MUC15: variants seen among roughly 807,000 people sequenced by gnomAD.
MUC15 encodes mucin 15, cell surface associated.
In MUC15, 23 loss-of-function variants were observed where a neutral mutation model predicts 24.0. That is an observed-to-expected ratio of 0.96 (90% confidence interval 0.69 to 1.36). The LOEUF is 1.36. Ranked by LOEUF, MUC15 falls within the 40% of genes most tolerant of loss-of-function variation. The probability of loss-of-function intolerance (pLI) is 0.00; values close to 1 mark genes in which losing one functional copy is unlikely to be tolerated. For missense variants in MUC15, 442 were observed against 428.2 expected (o/e 1.03, Z -0.29); for synonymous variants, 151 against 156.3 (o/e 0.97, Z 0.25).
chr11:26,559,802 T>G lies in MUC15; in HGVS notation c.*1263A>C, dbSNP rs1006461065. The G allele has an allele frequency of 1.8e-5, 27 of 1,529,904 alleles. No individual in the cohort carries two copies. The highest frequency in any genetic ancestry group is 2.4e-5 in the Non-Finnish European group (27 of 1,105,314). 94.8% of individuals were successfully genotyped at this position (1,529,904 alleles called of 1,614,324 possible). The stretch of plus-strand genomic sequence containing the variant: ...GGGGTAAGTACTTTCTTCATTACTT[T>G]CTATCCCTTATTTTCTGAAGCTGTT... On this transcript the variant is annotated 3_prime_UTR_variant, in exon 5 of 5. Coordinates refer to ENST00000529533, the MANE Select transcript of MUC15 (RefSeq NM_001135091.2).
chr11:26,564,690 T>TACACACACAC (rs1565108459), intron 3 of MUC15, among the ~76,000 whole-genome samples: 1 of 18,648 alleles, frequency 5.4e-5, no homozygotes, highest in Non-Finnish European at 1.2e-4. Context: ...TACTCATATA[T>TACACACACAC]ATACACACAC....
chr11:26,559,448 GA>G lies in MUC15; in HGVS notation c.*1616del, dbSNP rs2134243620. 1 of 310,464 alleles carries G rather than the reference GA, an allele frequency of 3.2e-6. No homozygotes were observed. Among genetic ancestry groups the G allele is most frequent in the East Asian group, 5.4e-5 (1 of 18,680 alleles). 19.2% of individuals were successfully genotyped at this position (310,464 alleles called of 1,614,324 possible). A position where few individuals can be genotyped will look rare whatever the true frequency, so the allele number is the denominator to read the frequency against. ...CCACAAATACTTCCATAGAATGGTA[GA>G]ATTATTTATAATCAGAAATGATGGT... On this transcript the variant is annotated 3_prime_UTR_variant, in exon 5 of 5. Transcript: ENST00000529533.
At position 26,559,438 on chromosome 11, in the gene MUC15, T is replaced by C. The variant is rs2134243586; in HGVS notation, c.*1627A>G. The C allele has an allele frequency of 7.1e-6, 2 of 280,088 alleles. No individual in the cohort carries two copies. Among genetic ancestry groups the C allele is most frequent in the South Asian group, 1.1e-4 (1 of 9,094 alleles). 17.4% of individuals were successfully genotyped at this position (280,088 alleles called of 1,614,324 possible). On this transcript the variant is annotated 3_prime_UTR_variant, in exon 5 of 5. Coordinates refer to ENST00000529533, the MANE Select transcript of MUC15 (RefSeq NM_001135091.2). ...AATCTGTGACCCACAAATACTTCCA[T>C]AGAATGGTAGAATTATTTATAATCA... is the stretch of plus-strand genomic sequence containing the variant.
intron 3 of MUC15, among the ~76,000 whole-genome samples, chr11:26,564,451 G>A (rs1167039379): frequency 6.7e-6 from 1 of 149,740 alleles, no homozygotes; most frequent in Non-Finnish European, 1.5e-5. Flanking sequence ...TTCAAGGGGG[G>A]AAAATACATT....
chr11:26,568,632 A>C (rs1850694464), intron 1 of MUC15, among the ~76,000 whole-genome samples: 1 of 152,072 alleles, frequency 6.6e-6, no homozygotes, highest in African/African-American at 2.4e-5. Flanking sequence ...AAATCACGAT[A>C]ACTGTCTATT....
At chr11:26,563,603 G>A (rs1444468455) in intron 3 of MUC15, among the ~76,000 whole-genome samples, 1 of 151,776 alleles carries the variant, frequency 6.6e-6, no homozygotes, top group Non-Finnish European at 1.5e-5. Flanking sequence ...ACTCCATTAA[G>A]ATCTAATATC....
chr11:26,561,168 T>G lies in MUC15; in HGVS notation c.983A>C (p.Tyr328Ser). 1 of 1,612,684 alleles carries G rather than the reference T, an allele frequency of 6.2e-7. No homozygotes were observed. Among genetic ancestry groups the G allele is most frequent in the Non-Finnish European group, 8.5e-7 (1 of 1,179,194 alleles). ...TGAATCATTCAAAGTTGGATTGTAG[T>G]AGCTAGAATTCCCAAAACTCACATC... ...PYDVSFGNSS[Y>S]YNPTLNDSAM... The change falls in exon 5 of 5, where the codon TAC (tyrosine) becomes TCC (serine). Residue 328 changes from tyrosine (Y) to serine (S), a missense_variant. Coordinates refer to ENST00000529533, the MANE Select transcript of MUC15 (RefSeq NM_001135091.2).
intron 1 of MUC15, among the ~76,000 whole-genome samples, chr11:26,569,460 G>T (rs1157004647): frequency 6.6e-6 from 1 of 152,064 alleles, no homozygotes; most frequent in Admixed American, 6.6e-5. Flanking sequence ...GGAGAGCCAG[G>T]TTACGCCACT....
intron 4 of MUC15, among the ~76,000 whole-genome samples, chr11:26,562,129 T>C (rs2134251922): frequency 6.6e-6 from 1 of 152,032 alleles, no homozygotes; most frequent in South Asian, 2.1e-4. Context: ...TACATGAGAT[T>C]ACATGTAAAG....
At chr11:26,566,784 T>C (rs1159921743) in intron 2 of MUC15, among the ~76,000 whole-genome samples, 5 of 138,580 alleles carry the variant, frequency 3.6e-5, no homozygotes, top group Non-Finnish European at 1.6e-5. Context: ...TGAAATCAGA[T>C]TTATATTAAA....
chr11:26,571,379 T>C (rs900334409), intron 1 of MUC15, among the ~76,000 whole-genome samples: 6 of 152,282 alleles, frequency 3.9e-5, no homozygotes, highest in Non-Finnish European at 7.4e-5. Context: ...TAAGAAATTT[T>C]ACCACATTTT....
intron 1 of MUC15, 39 bp from the exon 2 acceptor site, chr11:26,567,178 C>A: frequency 1.6e-6 from 2 of 1,274,158 alleles, no homozygotes; most frequent in Admixed American, 3.2e-5. Context: ...GCCAAGTCAA[C>A]TGACTCCAAT....
chr11:26,570,849 G>C (rs1480542707), intron 1 of MUC15, among the ~76,000 whole-genome samples: 1 of 152,052 alleles, frequency 6.6e-6, no homozygotes, highest in African/African-American at 2.4e-5. Flanking sequence ...AACAATAAAT[G>C]AGGACATAAG....
At chr11:26,571,094 A>G (rs1565115274) in intron 1 of MUC15, among the ~76,000 whole-genome samples, 1 of 152,162 alleles carries the variant, frequency 6.6e-6, no homozygotes, top group Non-Finnish European at 1.5e-5. Context: ...AAAAATGTAG[A>G]GTTTGTCATA....
Position 26,563,387 on chromosome 11 carries a change from TTC to T in MUC15, c.776-124_776-123del, listed in dbSNP as rs768122711. 2,178 of 889,006 alleles carry T rather than the reference TTC, an allele frequency of 2.4e-3. 25 individuals carry two copies. Among genetic ancestry groups the T allele is most frequent in the East Asian group, 0.022 (758 of 34,652 alleles). The allele number at this position is 889,006 out of a possible 1,614,324, so 55.1% of individuals were successfully genotyped here. Reference sequence around the variant, plus strand: ...ATTTTAAAATTAGATAATGGTGTGTTTCTCTCTCTGTGTGTGTGTGTGTGTGT... The same window carrying T: ...ATTTTAAAATTAGATAATGGTGTGTTTCTCTCTGTGTGTGTGTGTGTGTGT... On this transcript the variant is annotated intron_variant, in intron 3 of 4. Coordinates refer to ENST00000529533, the MANE Select transcript of MUC15 (RefSeq NM_001135091.2).
rs772094328 is a variant in MUC15, at chr11:26,563,143, G to A, written c.898C>T (p.Arg300Ter). The A allele has an allele frequency of 5.6e-6, 9 of 1,611,784 alleles. No homozygotes were observed. Among genetic ancestry groups the A allele is most frequent in the South Asian group, 4.4e-5 (4 of 90,966 alleles). ...GGTTCATTTCTGTCGTCATAAAGTC[G>A]CCGATGGGAAAATGAATCCGTTTTC... is the stretch of plus-strand genomic sequence containing the variant. Reference protein sequence around the residue: ...KRKTDSFSHRRLYDDRNEPVL... With the variant: ...KRKTDSFSHR Residue 300 changes from arginine (R) to a stop codon, truncating the protein, a stop_gained, in exon 4 of 5, where the codon CGA (arginine) becomes TGA (stop). Transcript: ENST00000529533. LOFTEE classifies it high-confidence loss of function.
chr11:26,567,482 C>G (rs942333347), intron 1 of MUC15, among the ~76,000 whole-genome samples: 2 of 151,884 alleles, frequency 1.3e-5, no homozygotes, highest in Non-Finnish European at 2.9e-5. Flanking sequence ...AACACTCCCA[C>G]TAGTTATGTG....
intron 3 of MUC15, among the ~76,000 whole-genome samples, 173 bp from the exon 4 acceptor site, chr11:26,563,438 A>T (rs933620596): frequency 4.4e-5 from 6 of 136,508 alleles, no homozygotes; most frequent in African/African-American, 1.8e-4. Flanking sequence ...TGTGTCTTGT[A>T]AAGTACTATT....
intron 1 of MUC15, among the ~76,000 whole-genome samples, chr11:26,569,696 C>T (rs1389331126): frequency 1.3e-5 from 2 of 152,052 alleles, no homozygotes; most frequent in African/African-American, 2.4e-5. Context: ...GTTTTACTTT[C>T]GTGTGTGCTT....
Sources: gnomAD v4.1 joint callset for allele counts (sites outside exome capture counted in the v4.1 genomes callset) on GRCh38, gnomAD v4.1.1 for gene constraint, MANE v1.5 for transcripts, NCBI Gene and HGNC (gene_info 2026-07-23, HGNC 2026-07-21) for gene names.